Variants in FCRL3 observed in about 807,000 individuals in gnomAD.
FCRL3 encodes the protein Fc receptor-like protein 3.
In FCRL3, 89 loss-of-function variants were observed where a neutral mutation model predicts 75.0. The observed-to-expected ratio is 1.19, with a 90% CI of 1.00 to 1.42. The LOEUF is 1.42. Among genes scored for constraint, FCRL3 ranks in the 40% most tolerant of loss-of-function variants. FCRL3 has a pLI of 0.00. For missense variants in FCRL3, 946 were observed against 880.0 expected (o/e 1.07, Z -0.95); for synonymous variants, 376 against 348.5 (o/e 1.08, Z -0.88).
intron 10 of FCRL3, among the ~76,000 whole-genome samples, chr1:157,687,018 A>G (rs1469376582): frequency 6.6e-6 from 1 of 152,104 alleles, no homozygotes; most frequent in East Asian, 1.9e-4. Flanking sequence ...AGAATGGGAG[A>G]AAATATTAGG....
At position 157,677,075 on chromosome 1, in the gene FCRL3, G is replaced by A. The variant is rs1654507904; in HGVS notation, c.*1635C>T. 9.5e-6 allele frequency: 11 copies of A among 1,156,216 alleles called. No homozygotes were observed. The highest frequency in any genetic ancestry group is 5.4e-5 in the East Asian group (1 of 18,442). 71.6% of individuals were successfully genotyped at this position (1,156,216 alleles called of 1,614,324 possible). ...GAGATCAGCATCTCAGTACGGGCAG[G>A]ACATCATGCCCTGCACTCAAAGGCC... On this transcript the variant is annotated 3_prime_UTR_variant, in exon 15 of 15. Coordinates refer to ENST00000368184, the MANE Select transcript of FCRL3 (RefSeq NM_052939.4).
At position 157,678,565 on chromosome 1, in the gene FCRL3, T is replaced by G; in HGVS notation, c.*145A>C. ...ACACACAGATCAGGCACAGGGGAGA[T>G]TTGCAGACCTTTTGCTCAGCCTCAC... is the stretch of plus-strand genomic sequence containing the variant. On this transcript the variant is annotated 3_prime_UTR_variant, in exon 15 of 15. Transcript: ENST00000368184. The G allele has an allele frequency of 1.3e-6, 2 of 1,497,142 alleles. No homozygotes were observed. The highest frequency in any genetic ancestry group is 1.8e-6 in the Non-Finnish European group (2 of 1,132,848). The allele number at this position is 1,497,142 out of a possible 1,614,324, so 92.7% of individuals were successfully genotyped here.
chr1:157,677,487 T>C lies in FCRL3; in HGVS notation c.*1223A>G. 1 of 985,414 alleles carries C rather than the reference T, an allele frequency of 1.0e-6. No individual in the cohort carries two copies. Among genetic ancestry groups the C allele is most frequent in the Non-Finnish European group, 1.2e-6 (1 of 829,910 alleles). The allele number at this position is 985,414 out of a possible 1,614,324, so 61.0% of individuals were successfully genotyped here. On this transcript the variant is annotated 3_prime_UTR_variant, in exon 15 of 15. Coordinates refer to ENST00000368184, the MANE Select transcript of FCRL3 (RefSeq NM_052939.4). ...CTAGGACTTGAGGTGTTCAGAGATA[T>C]TTGGAAACATCAGGATTTCAGAATG...
chr1:157,695,565 G>A lies in FCRL3; in HGVS notation c.1175C>T (p.Ala392Val), dbSNP rs774313926. Reference sequence around the variant, plus strand: ...CAGCAGGTCCCCCACCACAGTGTGGGCCCTGGGAGCCCTGAAGGTGAGGAC... The same window carrying A: ...CAGCAGGTCCCCCACCACAGTGTGGACCCTGGGAGCCCTGAAGGTGAGGAC... ...HPVLTFRAPR[A>V]HTVVGDLLEL... The change falls in exon 8 of 15, where the codon GCC becomes GTC. Residue 392 changes from alanine to valine, a missense_variant. Physicochemically the swap from Ala to Val is moderately conservative, Grantham distance 64 (BLOSUM62 0). Transcript: ENST00000368184. The A allele has an allele frequency of 9.3e-6, 15 of 1,613,656 alleles. No individual in the cohort carries two copies. Among genetic ancestry groups the A allele is most frequent in the Admixed American group, 1.7e-5 (1 of 59,998 alleles).
Position 157,676,687 on chromosome 1 carries a change from C to G in FCRL3, c.*2023G>C, listed in dbSNP as rs1293648252. ...CAGTTAGGACTCACCCCTTCTTCCA[C>G]TCACATACTCTGATTTGCACAGGGC... is the stretch of plus-strand genomic sequence containing the variant. On this transcript the variant is annotated 3_prime_UTR_variant, in exon 15 of 15. Transcript: ENST00000368184. The G allele has an allele frequency of 2.6e-6, 4 of 1,547,110 alleles. No homozygotes were observed. The highest frequency in any genetic ancestry group is 2.4e-5 in the East Asian group (1 of 40,882).
upstream of FCRL3, chr1:157,700,906 G>A (rs982717628): frequency 2.3e-5 from 6 of 255,688 alleles, no homozygotes; most frequent in Non-Finnish European, 2.7e-5. Flanking sequence ...CCTAATGTAG[G>A]CAAGCTTAAT....
At chr1:157,679,828 CACAAAAA>C (rs1486336524) in intron 13 of FCRL3, among the ~76,000 whole-genome samples, 2,452 of 27,710 alleles carry the variant, frequency 0.088, 69 homozygotes, top group Middle Eastern at 0.2. Context: ...GACCCCATCT[CACAAAAA>C]AAAAAAAAAA....
rs141222155 is a variant in FCRL3, at chr1:157,692,625, G to A, written c.1412-2092C>T. On this transcript the variant is annotated intron_variant, in intron 8 of 14. Transcript: ENST00000368184. ...CACATGAAAGTTCACTTATTTTGTGGCAAAGTTCTAAAAAGAGGAATTAAA... is the reference window on the plus strand; with the variant it reads ...CACATGAAAGTTCACTTATTTTGTGACAAAGTTCTAAAAAGAGGAATTAAA... Among the ~76,000 whole-genome samples the A allele has an allele frequency of 4.2e-3, 632 of 152,288 alleles. 6 individuals carry two copies. The highest frequency in any genetic ancestry group is 0.015 in the African/African-American group (610 of 41,554).
intron 8 of FCRL3, among the ~76,000 whole-genome samples, chr1:157,692,878 C>T (rs1655640123): frequency 6.6e-6 from 1 of 151,968 alleles, no homozygotes; most frequent in African/African-American, 2.4e-5. Context: ...CGTCTTATTA[C>T]CAGAAAATGT....
chr1:157,683,942 T>C (rs1655009647), intron 10 of FCRL3, among the ~76,000 whole-genome samples: 1 of 152,232 alleles, frequency 6.6e-6, no homozygotes, highest in Non-Finnish European at 1.5e-5. Context: ...TTTATTTCTA[T>C]TTGCCTCTAT....
chr1:157,676,731 G>A lies in FCRL3; in HGVS notation c.*1979C>T, dbSNP rs1186345653. ...ACAGGGCTAAGTGTTACAAAGACATGGAAAATCTTGAACTTTGTTCTTTCT... is the reference window on the plus strand; with the variant it reads ...ACAGGGCTAAGTGTTACAAAGACATAGAAAATCTTGAACTTTGTTCTTTCT... On this transcript the variant is annotated 3_prime_UTR_variant, in exon 15 of 15. Transcript: ENST00000368184. 4.5e-6 allele frequency: 7 copies of A among 1,550,284 alleles called. No homozygotes were observed. The highest frequency in any genetic ancestry group is 4.4e-6 in the Non-Finnish European group (5 of 1,146,908).
Position 157,690,462 on chromosome 1 carries a change from G to C in FCRL3, c.1483C>G (p.Leu495Val). 1 of 1,614,228 alleles carries C rather than the reference G, an allele frequency of 6.2e-7. No homozygotes were observed. Among genetic ancestry groups the C allele is most frequent in the Non-Finnish European group, 8.5e-7 (1 of 1,180,024 alleles). The change falls in exon 9 of 15, where the codon CTT becomes GTT. Residue 495 changes from leucine to valine, a missense_variant. By Grantham distance (32) the Leu-to-Val change is conservative (BLOSUM62 1). Coordinates refer to ENST00000368184, the MANE Select transcript of FCRL3 (RefSeq NM_052939.4). ...AQAVVGDLLE[L>V]HCESLRGSFP... ...GAGCCTCTCAGGGACTCACAGTGAA[G>C]CTCCAGCAGGTCCCCCACCACAGCC...
intron 3 of FCRL3, among the ~76,000 whole-genome samples, chr1:157,699,422 C>T (rs1327456578): frequency 5.9e-5 from 9 of 151,910 alleles, no homozygotes; most frequent in Admixed American, 5.9e-4. Flanking sequence ...GAGATTCCTT[C>T]ATCATCAGCC....
intron 11 of FCRL3, among the ~76,000 whole-genome samples, chr1:157,682,403 C>A (rs903737658): frequency 3.9e-5 from 6 of 152,124 alleles, no homozygotes; most frequent in African/African-American, 1.4e-4. Flanking sequence ...TTTAATCCAT[C>A]TTGAATTAAT....
chr1:157,683,354 G>T, intron 10 of FCRL3, 110 bp from the exon 11 acceptor site: 1 of 1,356,730 alleles, frequency 7.4e-7, no homozygotes, highest in Non-Finnish European at 1.0e-6. Flanking sequence ...CTAAGCTACG[G>T]AAAAACTCAA....
Position 157,695,532 on chromosome 1 carries a change from T to C in FCRL3, c.1208A>G (p.His403Arg), listed in dbSNP as rs768327120. The change falls in exon 8 of 15, where the codon CAC (histidine) becomes CGC (arginine). Residue 403 changes from histidine to arginine, a missense_variant. Transcript: ENST00000368184. ...GGGAGAGCCTCTCAGGGACTCACAG[T>C]GAAGCTCCAGCAGGTCCCCCACCAC... ...HTVVGDLLEL[H>R]CESLRGSPPI... 6.2e-7 allele frequency: 1 copy of C among 1,613,954 alleles called. No homozygotes were observed. Among genetic ancestry groups the C allele is most frequent in the Non-Finnish European group, 8.5e-7 (1 of 1,180,002 alleles).
In FCRL3 at chr1:157,697,853, C is replaced by A; in HGVS notation, c.365G>T (p.Gly122Val). Residue 122 changes from glycine to valine, a missense_variant, in exon 5 of 15, where the codon GGG becomes GTG. Coordinates refer to ENST00000368184, the MANE Select transcript of FCRL3 (RefSeq NM_052939.4). The stretch of plus-strand genomic sequence containing the variant: ...TTGATGAGTGTTTTTGTTGTCTTTC[C>A]CCTGACATCTCAGAATGACATTGTC... ...EGDNVILRCQGKDNKNTHQKV... is the reference protein window; with the variant it reads ...EGDNVILRCQVKDNKNTHQKV... 1 of 1,613,982 alleles carries A rather than the reference C, an allele frequency of 6.2e-7. No homozygotes were observed. Among genetic ancestry groups the A allele is most frequent in the African/African-American group, 1.3e-5 (1 of 74,992 alleles).
At chr1:157,681,566 A>T (rs530371774) in intron 11 of FCRL3, among the ~76,000 whole-genome samples, 11 of 152,228 alleles carry the variant, frequency 7.2e-5, no homozygotes, top group East Asian at 3.9e-4. Context: ...TACAAAGGAC[A>T]TGAACTCATC....
At position 157,678,840 on chromosome 1, in the gene FCRL3, T is replaced by G; in HGVS notation, c.2075A>C (p.Tyr692Ser). 6.2e-7 allele frequency: 1 copy of G among 1,613,922 alleles called. No individual in the cohort carries two copies. The highest frequency in any genetic ancestry group is 8.5e-7 in the Non-Finnish European group (1 of 1,179,968). The change falls in exon 15 of 15, where the codon TAT (tyrosine) becomes TCT (serine). Residue 692 changes from tyrosine to serine, a missense_variant. By Grantham distance (144) the Tyr-to-Ser change is moderately radical. Coordinates refer to ENST00000368184, the MANE Select transcript of FCRL3 (RefSeq NM_052939.4). ...HQEHEELTVL[Y>S]SELKKTHPDD... ...TGGGTGTGTCTTCTTCAGTTCTGAATAGAGGACTGTAAGTTCCTGGTAGAA... is the reference window on the plus strand; with the variant it reads ...TGGGTGTGTCTTCTTCAGTTCTGAAGAGAGGACTGTAAGTTCCTGGTAGAA...
Sources: allele counts gnomAD v4.1 joint callset (sites outside exome capture counted in the v4.1 genomes callset), GRCh38; gene constraint gnomAD v4.1.1; transcripts MANE v1.5; gene names NCBI Gene and HGNC (gene_info 2026-07-23, HGNC 2026-07-21).